Variants in SH3TC2 observed in about 807,000 individuals in gnomAD.
SH3TC2 encodes SH3 domain and tetratricopeptide repeat-containing protein 2.
In SH3TC2, 87 loss-of-function variants were observed where a neutral mutation model predicts 124.5. The ratio of observed to expected loss-of-function variants is 0.70; its 90% CI spans 0.59 to 0.84. The LOEUF (loss-of-function observed/expected upper bound fraction) is 0.84, where lower values mean the gene tolerates loss of function less well. Ranked by LOEUF, SH3TC2 falls within the 40% of genes least tolerant of loss-of-function variation. The probability of loss-of-function intolerance (pLI) is 0.00; values close to 1 mark genes in which losing one functional copy is unlikely to be tolerated. For synonymous variants in SH3TC2, 634 were observed against 628.5 expected (o/e 1.01, Z -0.13); for missense variants, 1,536 against 1,566.4 (o/e 0.98, Z 0.33).
intron 3 of SH3TC2, chr5:149,046,870 T>C (rs1448345541): frequency 1.3e-5 from 2 of 152,264 alleles, no homozygotes; most frequent in African/African-American, 4.8e-5. Flanking sequence ...CTACTGTTTA[T>C]GGAACACATA....
chr5:149,004,616 T>A lies in SH3TC2; in HGVS notation c.*95A>T. 1.5e-6 allele frequency: 2 copies of A among 1,346,102 alleles called. No individual in the cohort carries two copies. The highest frequency in any genetic ancestry group is 2.0e-6 in the Non-Finnish European group (2 of 980,446). 83.4% of individuals were successfully genotyped at this position (1,346,102 alleles called of 1,614,324 possible). A position where few individuals can be genotyped will look rare whatever the true frequency, so the allele number is the denominator to read the frequency against. On this transcript the variant is annotated 3_prime_UTR_variant, in exon 17 of 17. Coordinates refer to ENST00000515425, the MANE Select transcript of SH3TC2 (RefSeq NM_024577.4). The stretch of plus-strand genomic sequence containing the variant: ...TGTGAAATGAGGGGGCTAGGCCAGG[T>A]AAGGACTCGGACCCTCCCAATGAGT...
Position 148,994,831 on chromosome 5 carries a change from T to C in SH3TC2, c.*9880A>G, listed in dbSNP as rs1162361116. The stretch of plus-strand genomic sequence containing the variant: ...AACTCAGACTTTTCTTCCTAGTCCT[T>C]TGCATATATGCATCCAATCTCCCCC... On this transcript the variant is annotated 3_prime_UTR_variant, in exon 17 of 17. Coordinates refer to ENST00000515425, the MANE Select transcript of SH3TC2 (RefSeq NM_024577.4). Among the ~76,000 whole-genome samples, 2 of 152,140 alleles carry C rather than the reference T, an allele frequency of 1.3e-5. No individual in the cohort carries two copies. The highest frequency in any genetic ancestry group is 2.9e-5 in the Non-Finnish European group (2 of 68,034).
intron 1 of SH3TC2, among the ~76,000 whole-genome samples, chr5:149,054,067 G>A (rs1754602325): frequency 6.6e-6 from 1 of 152,076 alleles, no homozygotes; most frequent in South Asian, 2.1e-4. Context: ...GCAACAAAAA[G>A]AAAAGATAAA....
chr5:149,059,501 C>T (rs1279861400), intron 1 of SH3TC2, among the ~76,000 whole-genome samples: 1 of 151,734 alleles, frequency 6.6e-6, no homozygotes, highest in South Asian at 2.1e-4. Flanking sequence ...CCTGTACCCA[C>T]ATTTTCTTTT....
At chr5:149,030,518 C>T (rs1214019134) in intron 9 of SH3TC2, among the ~76,000 whole-genome samples, 1 of 152,254 alleles carries the variant, frequency 6.6e-6, no homozygotes, top group Non-Finnish European at 1.5e-5. Context: ...AATTTTCAGA[C>T]ATCAGGCTCC....
rs1344092007 is a variant in SH3TC2 at position 149,031,612 on chromosome 5, C to T, written c.1077G>A (p.Glu359=). 2.5e-6 allele frequency: 4 copies of T among 1,614,050 alleles called. No homozygotes were observed. Among genetic ancestry groups the T allele is most frequent in the Non-Finnish European group, 3.4e-6 (4 of 1,180,052 alleles). Residue 359 remains glutamate (E), a synonymous_variant, in exon 9 of 17, where the codon GAG becomes GAA. Coordinates refer to ENST00000515425, the MANE Select transcript of SH3TC2 (RefSeq NM_024577.4). ...CAAGAGTGTGGAGGAAGCTGGAACA[C>T]TCAGTCTGCTTATCACTTCCCAGGG... ...LLALGSDKQT[E]CSSFLHTLAR...
rs747613156 is a variant in SH3TC2 at position 149,026,675 on chromosome 5, G to T, written c.2950C>A (p.His984Asn). ...SPNPEACITYHEHWLALAQQL... is the reference protein window; with the variant it reads ...SPNPEACITYNEHWLALAQQL... ...TGAGCCAGGGCCAGCCAGTGCTCATGGTAGGTGATGCATGCCTCAGGGTTT... is the reference window on the plus strand; with the variant it reads ...TGAGCCAGGGCCAGCCAGTGCTCATTGTAGGTGATGCATGCCTCAGGGTTT... The change falls in exon 12 of 17, where the codon CAT (histidine) becomes AAT (asparagine). Residue 984 changes from histidine (H) to asparagine (N), a missense_variant. By Grantham distance (68) the His-to-Asn change is moderately conservative. Coordinates refer to ENST00000515425, the MANE Select transcript of SH3TC2 (RefSeq NM_024577.4). 1.5e-4 allele frequency: 249 copies of T among 1,614,090 alleles called. No homozygotes were observed. Among genetic ancestry groups the T allele is most frequent in the Non-Finnish European group, 2.1e-4 (244 of 1,180,054 alleles).
rs184960429 is a variant in SH3TC2 at position 149,033,532 on chromosome 5, G to T, written c.1002-1845C>A. 2.1e-3 allele frequency among the ~76,000 whole-genome samples: 321 copies of T among 152,326 alleles called. 3 individuals carry two copies. Among genetic ancestry groups the T allele is most frequent in the African/African-American group, 7.4e-3 (309 of 41,562 alleles). On this transcript the variant is annotated intron_variant, in intron 8 of 16. Transcript: ENST00000515425. ...CAGAGCTCCTGGTGGTTTCAGCTGGGACTCTGGCCTTCAGAACTGGGGTTG... is the reference window on the plus strand; with the variant it reads ...CAGAGCTCCTGGTGGTTTCAGCTGGTACTCTGGCCTTCAGAACTGGGGTTG...
intron 8 of SH3TC2, among the ~76,000 whole-genome samples, chr5:149,037,418 C>A (rs984855167): frequency 6.6e-6 from 1 of 152,150 alleles, no homozygotes; most frequent in Admixed American, 6.5e-5. Context: ...AACCTTCTGT[C>A]TCCTCCTCTC....
chr5:149,017,057 A>T (rs888377498), intron 12 of SH3TC2, among the ~76,000 whole-genome samples: 1 of 152,230 alleles, frequency 6.6e-6, no homozygotes, highest in African/African-American at 2.4e-5. Flanking sequence ...TTCTAAAAAT[A>T]ATAATATGCA....
rs1276171562 is a variant in SH3TC2 at position 148,987,919 on chromosome 5, T to C, written c.*16792A>G. Reference sequence around the variant, plus strand: ...CTCTGTGGCCCAGAGTAAGCTTACATAGTGAGTGCACCTAAAGGTGAGCCA... The same window carrying C: ...CTCTGTGGCCCAGAGTAAGCTTACACAGTGAGTGCACCTAAAGGTGAGCCA... On this transcript the variant is annotated 3_prime_UTR_variant, in exon 17 of 17. Transcript: ENST00000515425. 6.6e-6 allele frequency among the ~76,000 whole-genome samples: 1 copy of C among 151,256 alleles called. No homozygotes were observed. The highest frequency in any genetic ancestry group is 1.5e-5 in the Non-Finnish European group (1 of 67,834).
rs200801053 is a variant in SH3TC2, at chr5:149,008,997, C to A, written c.3332G>T (p.Gly1111Val). 35 of 1,614,054 alleles carry A rather than the reference C, an allele frequency of 2.2e-5. No individual in the cohort carries two copies. The highest frequency in any genetic ancestry group is 8.3e-5 in the Admixed American group (5 of 60,008). The change falls in exon 15 of 17, where the codon GGA (glycine) becomes GTA (valine). Residue 1111 changes from glycine (G) to valine (V), a missense_variant. By Grantham distance (109) the Gly-to-Val change is moderately radical. Coordinates refer to ENST00000515425, the MANE Select transcript of SH3TC2 (RefSeq NM_024577.4). ...CAACCTCCTTGCTAAAGGAACAGCT[C>A]CAGCCTAGGAACAGAAGCCCAAGGA... Reference protein sequence around the residue: ...RHHAVEYYRAGAVPLARRLKA... With the variant: ...RHHAVEYYRAVAVPLARRLKA...
chr5:149,055,432 C>T (rs542524762), intron 1 of SH3TC2, among the ~76,000 whole-genome samples: 2 of 152,060 alleles, frequency 1.3e-5, no homozygotes, highest in Admixed American at 1.3e-4. Flanking sequence ...AATTGTTTCA[C>T]CTCATCAGGG....
intron 12 of SH3TC2, among the ~76,000 whole-genome samples, chr5:149,013,917 T>C (rs768017051): frequency 3.3e-5 from 5 of 152,230 alleles, no homozygotes; most frequent in Non-Finnish European, 7.3e-5. Flanking sequence ...CACCAGGGTC[T>C]CGGAATATGG....
chr5:149,062,746 A>G (rs966428554), intron 1 of SH3TC2, among the ~76,000 whole-genome samples: 2 of 152,200 alleles, frequency 1.3e-5, no homozygotes, highest in Non-Finnish European at 2.9e-5. Context: ...GAGTAAACTC[A>G]AAGGCTCTTT....
chr5:149,052,412 A>G (rs1754574533), intron 1 of SH3TC2, among the ~76,000 whole-genome samples, 172 bp from the exon 2 acceptor site: 1 of 152,236 alleles, frequency 6.6e-6, no homozygotes, highest in Non-Finnish European at 1.5e-5. Flanking sequence ...TTATCAAAGA[A>G]CTGTCATACA....
intron 4 of SH3TC2, chr5:149,044,299 A>T: frequency 2.1e-6 from 1 of 468,542 alleles, no homozygotes. Flanking sequence ...TAATAAAAAA[A>T]GATCTCCCTG....
At position 149,027,204 on chromosome 5, in the gene SH3TC2, C is replaced by A. The variant is rs1463859150; in HGVS notation, c.2528G>T (p.Gly843Val). The change falls in exon 11 of 17, where the codon GGA becomes GTA. Residue 843 changes from glycine to valine, a missense_variant. Gly to Val is a moderately radical substitution (Grantham distance 109, BLOSUM62 -3). Around this residue, in one of 3 missense-constraint regions of SH3TC2, gnomAD observed 1,102 missense variants for 1,098.6 expected, o/e 1.00. Transcript: ENST00000515425. ...TQRGVIYNLL[G>V]LALQGEGRVN... is the part of the protein sequence containing the mutation. ...CCGGCCTTCACCTTGGAGTGCAAGTCCCAGGAGGTTATAGATGACTCCCCT... is the reference window on the plus strand; with the variant it reads ...CCGGCCTTCACCTTGGAGTGCAAGTACCAGGAGGTTATAGATGACTCCCCT... The A allele has an allele frequency of 5.6e-6, 9 of 1,614,214 alleles. No individual in the cohort carries two copies. The highest frequency in any genetic ancestry group is 7.6e-6 in the Non-Finnish European group (9 of 1,180,036).
Position 148,998,191 on chromosome 5 carries a change from C to T in SH3TC2, c.*6520G>A, listed in dbSNP as rs914909874. ...CTCTATGTTGTTGCATATGCACAAA[C>T]ATATGCACACGAGGATAAACCATAA... On this transcript the variant is annotated 3_prime_UTR_variant, in exon 17 of 17. Coordinates refer to ENST00000515425, the MANE Select transcript of SH3TC2 (RefSeq NM_024577.4). Among the ~76,000 whole-genome samples the T allele has an allele frequency of 1.5e-4, 23 of 152,164 alleles. No individual in the cohort carries two copies. The highest frequency in any genetic ancestry group is 5.1e-4 in the African/African-American group (21 of 41,434).
Sources: gnomAD v4.1 joint callset for allele counts (sites outside exome capture counted in the v4.1 genomes callset) on GRCh38, gnomAD v4.1.1 for gene constraint, gnomAD v4.1.1 regional missense constraint, MANE v1.5 for transcripts, NCBI Gene and HGNC (gene_info 2026-07-23, HGNC 2026-07-21) for gene names.